The following ATRNL1 variants were observed in gnomAD, a reference collection of about 807,000 sequenced individuals.
The protein encoded by ATRNL1 is attractin-like protein 1.
In ATRNL1, 95 loss-of-function variants were observed where a neutral mutation model predicts 182.7. The observed-to-expected ratio is 0.52, with a 90% CI of 0.44 to 0.62. ATRNL1 has a LOEUF of 0.62. Ranked by LOEUF, ATRNL1 falls within the 20% of genes least tolerant of loss-of-function variation. ATRNL1 has a pLI of 0.00. For missense variants in ATRNL1, 1,471 were observed against 1,679.5 expected, an observed-to-expected ratio of 0.88 and a Z score of 2.17; for synonymous variants, 576 against 568.3, an observed-to-expected ratio of 1.01 and a Z score of -0.19.
chr10:115,423,722 T>C (rs1845751363), intron 20 of ATRNL1, among the ~76,000 whole-genome samples: 1 of 152,006 alleles, frequency 6.6e-6, no homozygotes, highest in Non-Finnish European at 1.5e-5. Context: ...AAAAGTTTCA[T>C]TAAGAAGAAT....
chr10:115,916,350 T>A (rs1452775281), intron 28 of ATRNL1, among the ~76,000 whole-genome samples: 4 of 152,258 alleles, frequency 2.6e-5, no homozygotes, highest in Non-Finnish European at 5.9e-5. Context: ...TTGGGCTCTG[T>A]CTGCTGTTCC....
intron 28 of ATRNL1, among the ~76,000 whole-genome samples, chr10:115,928,592 T>C (rs1249377171): frequency 2.6e-5 from 4 of 152,022 alleles, no homozygotes; most frequent in African/African-American, 9.7e-5. Flanking sequence ...GAATTGTCTA[T>C]TGATTAGTTA....
rs143738299 is a variant in ATRNL1 at position 115,451,560 on chromosome 10, A to T, written c.3323-10381A>T. ...AAATGCAAATCAAAACCACATTGAG[A>T]TACCATCTCATGCCAGTCAGAATGG... is the stretch of plus-strand genomic sequence containing the variant. On this transcript the variant is annotated intron_variant, in intron 21 of 28. Transcript: ENST00000355044. Among the ~76,000 whole-genome samples the T allele has an allele frequency of 5.9e-3, 902 of 152,314 alleles. 4 individuals carry two copies. Among genetic ancestry groups the T allele is most frequent in the African/African-American group, 0.019 (791 of 41,566 alleles).
chr10:115,107,909 G>A (rs1564740082), intron 1 of ATRNL1, among the ~76,000 whole-genome samples: 1 of 152,108 alleles, frequency 6.6e-6, no homozygotes. Context: ...TGAATGCTGA[G>A]GTCCCATAGA....
rs143833942 is a variant in ATRNL1 at position 115,121,672 on chromosome 10, T to G, written c.378-27T>G. 845 of 1,058,590 alleles carry G rather than the reference T, an allele frequency of 8.0e-4. 7 individuals carry two copies. In the Admixed American group the frequency reaches 9.6e-3, roughly 12 times the overall value. 65.6% of individuals were successfully genotyped at this position (1,058,590 alleles called of 1,614,324 possible). On this transcript the variant is annotated intron_variant, in intron 2 of 28. Transcript: ENST00000355044. ...ACTCTGTGCTTTGTATATTTTAATT[T>G]GAAAAATATTTCATATTCATTTTCA... is the stretch of plus-strand genomic sequence containing the variant.
At chr10:115,340,263 C>T (rs1855677603) in intron 19 of ATRNL1, among the ~76,000 whole-genome samples, 2 of 152,086 alleles carry the variant, frequency 1.3e-5, no homozygotes, top group African/African-American at 4.8e-5. Context: ...CCTGCCTCAG[C>T]CTCCAAGTAG....
At chr10:115,929,163 G>A (rs574293951) in intron 28 of ATRNL1, among the ~76,000 whole-genome samples, 6 of 152,132 alleles carry the variant, frequency 3.9e-5, no homozygotes, top group South Asian at 2.1e-4. Flanking sequence ...TAAACAAAGT[G>A]TAGGGGCTAA....
intron 25 of ATRNL1, among the ~76,000 whole-genome samples, chr10:115,534,732 T>C (rs371839623): frequency 0.14 from 19,859 of 139,922 alleles, 2,162 homozygotes; most frequent in Non-Finnish European, 0.21. Context: ...CATGATTTTG[T>C]AGCAGCTGGT....
At chr10:115,855,935 A>G (rs575317771) in intron 28 of ATRNL1, among the ~76,000 whole-genome samples, 21 of 152,318 alleles carry the variant, frequency 1.4e-4, no homozygotes, top group Non-Finnish European at 3.1e-4. Context: ...ACACTGATTT[A>G]TTCCTTGGAT....
intron 26 of ATRNL1, among the ~76,000 whole-genome samples, chr10:115,677,236 G>T (rs1945892980): frequency 1.3e-5 from 2 of 152,076 alleles, no homozygotes. Flanking sequence ...TTTCAGGGCT[G>T]CTCCATGAAA....
intron 28 of ATRNL1, among the ~76,000 whole-genome samples, chr10:115,895,361 T>C (rs11197470): frequency 0.19 from 28,634 of 152,212 alleles, 8,387 homozygotes; most frequent in African/African-American, 0.63. Flanking sequence ...GCAGTGCCTT[T>C]TCAGCTGCCG....
intron 15 of ATRNL1, among the ~76,000 whole-genome samples, chr10:115,288,077 GA>G (rs1159444182): frequency 2.6e-5 from 4 of 151,832 alleles, no homozygotes; most frequent in Admixed American, 2.6e-4. Context: ...TTTAATGACT[GA>G]ATATTATCCC....
At chr10:115,333,128 G>C (rs1420371124) in intron 18 of ATRNL1, among the ~76,000 whole-genome samples, 1 of 151,890 alleles carries the variant, frequency 6.6e-6, no homozygotes, top group Non-Finnish European at 1.5e-5. Flanking sequence ...TCCTCATGGA[G>C]TGAGAGAGAG....
chr10:115,168,798 A>G (rs887612745), intron 7 of ATRNL1, among the ~76,000 whole-genome samples: 4 of 152,034 alleles, frequency 2.6e-5, no homozygotes, highest in Non-Finnish European at 5.9e-5. Context: ...AACACAAAAA[A>G]TTGGACTTTA....
At chr10:115,103,619 TC>T (rs1246750260) in intron 1 of ATRNL1, among the ~76,000 whole-genome samples, 5 of 152,188 alleles carry the variant, frequency 3.3e-5, no homozygotes, top group Non-Finnish European at 7.3e-5. Context: ...CAAGCATTTA[TC>T]CTTTCTTTGT....
chr10:115,943,689 T>C (rs959920580), intron 28 of ATRNL1, among the ~76,000 whole-genome samples: 10 of 151,328 alleles, frequency 6.6e-5, no homozygotes, highest in Non-Finnish European at 1.3e-4. Context: ...TACTTATGAA[T>C]TGAAATGTTA....
chr10:115,818,488 G>C (rs1197531376), intron 27 of ATRNL1, among the ~76,000 whole-genome samples: 3 of 152,042 alleles, frequency 2.0e-5, no homozygotes, highest in African/African-American at 7.2e-5. Context: ...ATTTTAATCT[G>C]TATTCTGCTC....
chr10:115,392,428 G>T (rs781788736), intron 19 of ATRNL1, among the ~76,000 whole-genome samples: 1 of 152,000 alleles, frequency 6.6e-6, no homozygotes, highest in Admixed American at 6.6e-5. Context: ...TTGCAAACAC[G>T]TGTGTAAGTA....
At chr10:115,911,338 A>G (rs1952672049) in intron 28 of ATRNL1, among the ~76,000 whole-genome samples, 1 of 151,308 alleles carries the variant, frequency 6.6e-6, no homozygotes, top group African/African-American at 2.4e-5. Flanking sequence ...TATTTTCAAG[A>G]TGGAGTTTCA....
Sources: allele counts gnomAD v4.1 joint callset (sites outside exome capture counted in the v4.1 genomes callset), GRCh38; gene constraint gnomAD v4.1.1; transcripts MANE v1.5; gene names NCBI Gene and HGNC (gene_info 2026-07-23, HGNC 2026-07-21).